Variants in PMEPA1 observed in about 807,000 individuals in gnomAD.
PMEPA1 encodes protein TMEPAI.
In PMEPA1, 11 loss-of-function variants were observed where a neutral mutation model predicts 23.0. The ratio of observed to expected loss-of-function variants is 0.48; its 90% CI spans 0.30 to 0.79. The LOEUF is 0.79. PMEPA1 is among the 30% of genes least tolerant of loss of function. The probability of loss-of-function intolerance (pLI) is 0.06; values close to 1 mark genes in which losing one functional copy is unlikely to be tolerated. For synonymous variants in PMEPA1, 204 were observed against 166.4 expected (o/e 1.23, Z -1.74); for missense variants, 377 against 390.9 (o/e 0.96, Z 0.30).
At chr20:57,671,666 A>T (rs2071570307) in intron 1 of PMEPA1, among the ~76,000 whole-genome samples, 1 of 152,212 alleles carries the variant, frequency 6.6e-6, no homozygotes, top group African/African-American at 2.4e-5. Context: ...ACATCACATT[A>T]TGGGATGAGG....
chr20:57,678,822 A>C (rs2071673071), intron 1 of PMEPA1, among the ~76,000 whole-genome samples: 1 of 152,202 alleles, frequency 6.6e-6, no homozygotes. Flanking sequence ...GGGGAGGGAG[A>C]GCAGCTTGGG....
intron 1 of PMEPA1, among the ~76,000 whole-genome samples, chr20:57,698,197 T>G (rs1028620421): frequency 6.6e-6 from 1 of 152,152 alleles, no homozygotes; most frequent in Admixed American, 6.5e-5. Context: ...CTGCGATCTA[T>G]CCTAACGATC....
chr20:57,687,796 G>C (rs549408476), intron 1 of PMEPA1, among the ~76,000 whole-genome samples: 2 of 152,324 alleles, frequency 1.3e-5, no homozygotes, highest in Non-Finnish European at 2.9e-5. Flanking sequence ...CTGTGCTACA[G>C]GGCCCTGCTC....
At chr20:57,692,152 T>C (rs1019071995) in intron 1 of PMEPA1, among the ~76,000 whole-genome samples, 3 of 152,252 alleles carry the variant, frequency 2.0e-5, no homozygotes, top group Non-Finnish European at 4.4e-5. Context: ...GCTGAGCCCT[T>C]GCCACAAACT....
chr20:57,675,534 C>T (rs7267055), intron 1 of PMEPA1, among the ~76,000 whole-genome samples: 2 of 152,240 alleles, frequency 1.3e-5, no homozygotes, highest in Admixed American at 6.5e-5. Context: ...CCCAGGAAGA[C>T]CCCTGGCCCA....
At chr20:57,658,425 A>G (rs1418488404) in intron 2 of PMEPA1, among the ~76,000 whole-genome samples, 1 of 151,658 alleles carries the variant, frequency 6.6e-6, no homozygotes, top group Non-Finnish European at 1.5e-5. Context: ...CGCCCATCCA[A>G]CTCACCAGCA....
intron 2 of PMEPA1, among the ~76,000 whole-genome samples, chr20:57,653,977 G>C (rs1004366937): frequency 2.0e-5 from 3 of 152,150 alleles, no homozygotes; most frequent in African/African-American, 7.2e-5. Context: ...CAGGAGAGTT[G>C]AGGAAAGTGC....
intron 1 of PMEPA1, among the ~76,000 whole-genome samples, chr20:57,676,689 G>A (rs1350359493): frequency 1.3e-5 from 2 of 152,162 alleles, no homozygotes; most frequent in Non-Finnish European, 1.5e-5. Context: ...GCCCTCGAGG[G>A]GCGGAGCTGT....
chr20:57,710,554 C>T, upstream of PMEPA1: 4 of 1,346,246 alleles, frequency 3.0e-6, no homozygotes, highest in Admixed American at 4.3e-5. Flanking sequence ...TCACCCGAAC[C>T]CAAGGAGGAC....
In PMEPA1 at chr20:57,683,556, T is replaced by TGTGTGTGTGTGC. The variant is rs1555882173; in HGVS notation, c.110-23860_110-23859insGCACACACACAC. On this transcript the variant is annotated intron_variant, in intron 1 of 3. Transcript: ENST00000341744. This position sits in a 1 kb window ranked among gnomAD's most constrained non-coding sequence, Gnocchi z 4.3. ...GTGGTGGTGTTCTGGCCTGTGTGCG[T>TGTGTGTGTGTGC]GTGTGTGTGTGTGTGTGTGTGTGTG... Among the ~76,000 whole-genome samples, 1 of 111,862 alleles carries TGTGTGTGTGTGC rather than the reference T, an allele frequency of 8.9e-6. No homozygotes were observed. Among genetic ancestry groups the TGTGTGTGTGTGC allele is most frequent in the African/African-American group, 3.2e-5 (1 of 31,288 alleles). The allele number at this position is 111,862 out of a possible 152,430, so 73.4% of individuals were successfully genotyped here. A position where few individuals can be genotyped will look rare whatever the true frequency, so the allele number is the denominator to read the frequency against.
chr20:57,670,743 G>A (rs2071556542), intron 1 of PMEPA1, among the ~76,000 whole-genome samples: 1 of 152,208 alleles, frequency 6.6e-6, no homozygotes, highest in Non-Finnish European at 1.5e-5. Context: ...TGGCCTCTGT[G>A]TGCTTCTCTT....
chr20:57,693,184 C>A (rs923306654), intron 1 of PMEPA1, among the ~76,000 whole-genome samples: 1 of 152,320 alleles, frequency 6.6e-6, no homozygotes, highest in Middle Eastern at 3.4e-3. Context: ...ACATTCCAGC[C>A]GACCTGCAGT....
chr20:57,662,940 G>A (rs1254263606), intron 1 of PMEPA1, among the ~76,000 whole-genome samples: 1 of 152,218 alleles, frequency 6.6e-6, no homozygotes, highest in Non-Finnish European at 1.5e-5. Flanking sequence ...AATGGAGGAG[G>A]CCCCTGCAGA....
chr20:57,659,529 G>A lies in PMEPA1; in HGVS notation c.264+14C>T. 1 of 1,612,368 alleles carries A rather than the reference G, an allele frequency of 6.2e-7. No individual in the cohort carries two copies. The highest frequency in any genetic ancestry group is 8.5e-7 in the Non-Finnish European group (1 of 1,178,876). On this transcript the variant is annotated intron_variant, in intron 2 of 3. Transcript: ENST00000341744. ...CGCACCCTCAGGCCACAGATGGGAT[G>A]GCGGGGCACTTACTGAGGACAGGGC...
intron 1 of PMEPA1, among the ~76,000 whole-genome samples, chr20:57,680,359 C>T (rs949771716): frequency 6.6e-6 from 1 of 152,192 alleles, no homozygotes; most frequent in Non-Finnish European, 1.5e-5. Flanking sequence ...GATTTTGCCC[C>T]AGGGGACATC....
rs570710656 is a variant in PMEPA1, at chr20:57,708,241, C to G, written c.109+1233G>C. Among the ~76,000 whole-genome samples, 160 of 152,330 alleles carry G rather than the reference C, an allele frequency of 1.1e-3. 3 individuals carry two copies. The highest frequency in any genetic ancestry group is 3.7e-3 in the Admixed American group (57 of 15,310). On this transcript the variant is annotated intron_variant, in intron 1 of 3. Coordinates refer to ENST00000341744, the MANE Select transcript of PMEPA1 (RefSeq NM_020182.5). ...GCTCCGGGCCCCAGCTAGGGGCAGC[C>G]TGGCCCCCAGCAGGGAAGGACTGTG...
Position 57,652,297 on chromosome 20 carries a change from G to T in PMEPA1, c.620C>A (p.Pro207His). 3.7e-6 allele frequency: 6 copies of T among 1,610,514 alleles called. No homozygotes were observed. The highest frequency in any genetic ancestry group is 1.3e-5 in the African/African-American group (1 of 75,030). The change falls in exon 4 of 4, where the codon CCC (proline) becomes CAC (histidine). Residue 207 changes from proline (P) to histidine (H), a missense_variant. Around this residue, in one of 3 missense-constraint regions of PMEPA1, gnomAD observed 176 missense variants for 173.0 expected, o/e 1.02. Coordinates refer to ENST00000341744, the MANE Select transcript of PMEPA1 (RefSeq NM_020182.5). The surrounding 1 kb of genome is among the most constrained non-coding windows in gnomAD (Gnocchi z 6.1). ...MDSARLGGPC[P>H]PSSNSGISAT... ...GCTGATGCCCGAGTTACTGCTGGGG[G>T]GGCAGGGGCCGCCCAGCCTGGCACT...
chr20:57,709,102 A>C (rs2072127662), intron 1 of PMEPA1, among the ~76,000 whole-genome samples: 1 of 151,798 alleles, frequency 6.6e-6, no homozygotes, highest in African/African-American at 2.4e-5. Flanking sequence ...CCCCCGCCCA[A>C]AGTTGATAAA....
chr20:57,667,008 G>C (rs754145938), intron 1 of PMEPA1, among the ~76,000 whole-genome samples: 1 of 152,214 alleles, frequency 6.6e-6, no homozygotes, highest in Admixed American at 6.5e-5. Flanking sequence ...AAATATAATT[G>C]CATTAAATGA....
Sources: gnomAD v4.1 joint callset for allele counts (sites outside exome capture counted in the v4.1 genomes callset) on GRCh38, gnomAD v4.1.1 for gene constraint, gnomAD v4.1.1 regional missense constraint, Gnocchi (gnomAD v3.1) non-coding constraint, MANE v1.5 for transcripts, NCBI Gene and HGNC (gene_info 2026-07-23, HGNC 2026-07-21) for gene names.